Variants in MAP3K15 observed in about 807,000 individuals in gnomAD.
MAP3K15 encodes mitogen-activated protein kinase kinase kinase 15, also known as MAPK/ERK kinase kinase 15.
In MAP3K15, 124 loss-of-function variants were observed where a neutral mutation model predicts 99.5. The ratio of observed to expected loss-of-function variants is 1.25; its 90% confidence interval spans 1.08 to 1.45. The LOEUF (loss-of-function observed/expected upper bound fraction) is 1.45. Ranked by LOEUF, MAP3K15 falls within the 40% of genes most tolerant of loss-of-function variation. MAP3K15 has a pLI of 0.00. For missense variants in MAP3K15, 1,242 were observed against 1,079.7 expected, an observed-to-expected ratio of 1.15 and a Z score of -2.11; for synonymous variants, 494 against 439.6, an observed-to-expected ratio of 1.12 and a Z score of -1.55.
chrX:19,390,307 T>TC lies in MAP3K15; in HGVS notation c.2431+1694_2431+1695insG, dbSNP rs1231016965. On this transcript the variant is annotated intron_variant, in intron 18 of 28. Coordinates refer to ENST00000338883, the MANE Select transcript of MAP3K15 (RefSeq NM_001001671.4). ...TATTTTAAGAGCTAATTTTTTCTTT[T>TC]TTTTTTTTTTTTTTTTTTGAGACAG... is the stretch of plus-strand genomic sequence containing the variant. 6.9e-4 allele frequency among the ~76,000 whole-genome samples: 50 copies of TC among 72,050 alleles called. 1 individual carries two copies. Among genetic ancestry groups the TC allele is most frequent in the Non-Finnish European group, 7.8e-4 (33 of 42,240 alleles). 62.6% of individuals were successfully genotyped at this position (72,050 alleles called of 115,157 possible). A position where few individuals can be genotyped will look rare whatever the true frequency, so the allele number is the denominator to read the frequency against.
intron 17 of MAP3K15, 116 bp from the exon 18 acceptor site, chrX:19,392,223 T>C (rs2063532818): frequency 9.7e-7 from 1 of 1,029,370 alleles, no homozygotes; most frequent in Admixed American, 2.5e-5. Flanking sequence ...ACTTTGCATT[T>C]TGGGGACGGT....
chrX:19,511,629 C>T (rs756387343), intron 1 of MAP3K15, among the ~76,000 whole-genome samples: 4 of 111,951 alleles, frequency 3.6e-5, no homozygotes, highest in East Asian at 2.8e-4. Flanking sequence ...TACCATCTCA[C>T]GCCAGTTAGA....
At chrX:19,456,625 G>A (rs1429826275) in intron 6 of MAP3K15, among the ~76,000 whole-genome samples, 2 of 112,043 alleles carry the variant, frequency 1.8e-5, no homozygotes, top group Non-Finnish European at 3.8e-5. Flanking sequence ...AAATTTTACC[G>A]ATTTAAAAAA....
intron 7 of MAP3K15, among the ~76,000 whole-genome samples, chrX:19,428,163 C>T (rs1187386057): frequency 9.0e-6 from 1 of 111,657 alleles, no homozygotes; most frequent in Non-Finnish European, 1.9e-5. Context: ...GAGCCATATG[C>T]TCCGTGTCTG....
At position 19,502,957 on chromosome X, in the gene MAP3K15, C is replaced by T. The variant is rs192724851; in HGVS notation, c.361+11944G>A. ...CTCTAGGCAGATACATAAATTTGAA[C>T]GCAGCAAGACCGGCCCAACTTTGAG... On this transcript the variant is annotated intron_variant, in intron 1 of 28. Transcript: ENST00000338883. 3.6e-3 allele frequency among the ~76,000 whole-genome samples: 400 copies of T among 111,764 alleles called. 1 individual carries two copies. The highest frequency in any genetic ancestry group is 9.2e-3 in the Middle Eastern group (2 of 217).
chrX:19,488,745 C>A (rs2064346799), intron 2 of MAP3K15, 83 bp downstream of exon 2: 2 of 950,159 alleles, frequency 2.1e-6, no homozygotes, highest in Admixed American at 4.9e-5. Flanking sequence ...CTCCAACTTC[C>A]TGTGCTACTG....
chrX:19,497,416 C>G (rs988755518), intron 1 of MAP3K15: 8 of 111,404 alleles, frequency 7.2e-5, no homozygotes, highest in Admixed American at 9.6e-5. Context: ...CCTGCCTCAG[C>G]CTCCCAAAGG....
At chrX:19,485,308 CAAAAAAAAAAAAAAAAAAA>C (rs368987947) in intron 3 of MAP3K15, among the ~76,000 whole-genome samples, 11 of 7,925 alleles carry the variant, frequency 1.4e-3, no homozygotes, top group Non-Finnish European at 2.3e-3. Context: ...GACTCTGTCT[CAAAAAAAAAAAAAAAAAAA>C]AAAAAAAAAA....
At chrX:19,498,011 A>G (rs1191966834) in intron 1 of MAP3K15, among the ~76,000 whole-genome samples, 1 of 111,865 alleles carries the variant, frequency 8.9e-6, no homozygotes, top group Admixed American at 9.6e-5. Flanking sequence ...ATTTAACTAA[A>G]TAACTTTGCT....
intron 27 of MAP3K15, 38 bp downstream of exon 27, chrX:19,361,455 G>A (rs1396779538): frequency 4.2e-6 from 5 of 1,186,026 alleles, no homozygotes; most frequent in Non-Finnish European, 5.7e-6. Flanking sequence ...GAGCAGCTGT[G>A]TAACAACAGC....
rs778219241 is a variant in MAP3K15, at chrX:19,392,104, C to T, written c.2329G>A (p.Asp777Asn). ...NQIVHRDIKG[D>N]NVLVNTYSGV... ...CTGTAGGTGTTCACCAGAACATTAT[C>T]GCCCTTCGGAAAATAACATCATCAA... is the stretch of plus-strand genomic sequence containing the variant. Residue 777 changes from aspartate (D) to asparagine (N), a missense_variant, in exon 18 of 29, where the codon GAT becomes AAT. Physicochemically the swap from Asp to Asn is conservative, Grantham distance 23. Coordinates refer to ENST00000338883, the MANE Select transcript of MAP3K15 (RefSeq NM_001001671.4). 1.0e-5 allele frequency: 12 copies of T among 1,201,171 alleles called. No individual in the cohort carries two copies. The highest frequency in any genetic ancestry group is 5.3e-5 in the African/African-American group (3 of 57,091).
intron 6 of MAP3K15, among the ~76,000 whole-genome samples, chrX:19,442,684 T>C (rs1336315570): frequency 9.6e-6 from 1 of 104,018 alleles, no homozygotes; most frequent in Non-Finnish European, 1.9e-5. Flanking sequence ...TTACCATGCC[T>C]GGCTTTTATT....
intron 6 of MAP3K15, among the ~76,000 whole-genome samples, chrX:19,434,865 T>C (rs780256025): frequency 8.9e-6 from 1 of 111,855 alleles, no homozygotes; most frequent in Non-Finnish European, 1.9e-5. Flanking sequence ...GGCGACCTTC[T>C]GGAAACCTGT....
At chrX:19,427,145 A>AT (rs66775152) in intron 7 of MAP3K15, among the ~76,000 whole-genome samples, 13,316 of 102,628 alleles carry the variant, frequency 0.13, 2,359 homozygotes, top group African/African-American at 0.45. Flanking sequence ...ACACCTATGC[A>AT]TTTTTTTTTT....
At chrX:19,480,083 G>T (rs1233821587) in intron 3 of MAP3K15, among the ~76,000 whole-genome samples, 2 of 111,980 alleles carry the variant, frequency 1.8e-5, no homozygotes, top group Admixed American at 1.9e-4. Flanking sequence ...CCAAGAAAGT[G>T]AAAGACCTGT....
intron 6 of MAP3K15, among the ~76,000 whole-genome samples, chrX:19,441,551 T>TC (rs1244010192): frequency 9.0e-6 from 1 of 111,703 alleles, no homozygotes; most frequent in Non-Finnish European, 1.9e-5. Context: ...TCTCACTGCA[T>TC]CCTCCGACTC....
chrX:19,414,970 C>A, intron 10 of MAP3K15, 137 bp downstream of exon 10: 1 of 542,203 alleles, frequency 1.8e-6, no homozygotes, highest in Non-Finnish European at 2.8e-6. Flanking sequence ...TTACTGATTT[C>A]ACATAAGATT....
chrX:19,417,183 G>C (rs2063743099), intron 9 of MAP3K15, among the ~76,000 whole-genome samples: 1 of 112,210 alleles, frequency 8.9e-6, no homozygotes, highest in Non-Finnish European at 1.9e-5. Flanking sequence ...ACTGGGGAGT[G>C]TTGGAAAGTG....
At chrX:19,431,416 A>G (rs1036308238) in intron 7 of MAP3K15, 22 bp downstream of exon 7, 2 of 1,194,783 alleles carry the variant, frequency 1.7e-6, no homozygotes. Context: ...GCAAGTGCTC[A>G]TAACTCGGGC....
Sources: gnomAD v4.1 joint callset for allele counts (sites outside exome capture counted in the v4.1 genomes callset) on GRCh38, gnomAD v4.1.1 for gene constraint, MANE v1.5 for transcripts, NCBI Gene and HGNC (gene_info 2026-07-23, HGNC 2026-07-21) for gene names.